Variants in CAP1 observed in about 807,000 individuals in gnomAD.
The protein encoded by CAP1 is adenylyl cyclase-associated protein 1.
A neutral mutation model predicts 58.2 loss-of-function variants in CAP1; 11 were observed. The ratio of observed to expected loss-of-function variants is 0.19; its 90% CI spans 0.12 to 0.31. The LOEUF is 0.31. CAP1 is among the 10% of genes least tolerant of loss of function. The pLI, the probability that CAP1 is intolerant of heterozygous loss-of-function variation, is 1.00. For missense variants in CAP1, 423 were observed against 587.5 expected (o/e 0.72, Z 2.89); for synonymous variants, 183 against 213.8 (o/e 0.86, Z 1.26).
rs1446852778 is a variant in CAP1 at position 40,043,046 on chromosome 1, C to CT, written c.-11+2246dup. Among the ~76,000 whole-genome samples the CT allele has an allele frequency of 1.2e-3, 188 of 152,200 alleles. 1 individual carries two copies. The highest frequency in any genetic ancestry group is 2.1e-4 in the Non-Finnish European group (14 of 68,018). On this transcript the variant is annotated intron_variant, in intron 1 of 12. Transcript: ENST00000372805. ...TTGTAGCACATCCAGGCAAAGATGT[C>CT]TAATAAGGTGGGTCAGCTAAAGGAA...
In CAP1 at chr1:40,041,974, C is replaced by T. The variant is rs562830287; in HGVS notation, c.-11+1173C>T. Among the ~76,000 whole-genome samples, 61 of 152,296 alleles carry T rather than the reference C, an allele frequency of 4.0e-4. No homozygotes were observed. The South Asian group carries it at 8.7e-3, about 22-fold the overall frequency. On this transcript the variant is annotated intron_variant, in intron 1 of 12. Coordinates refer to ENST00000372805, the MANE Select transcript of CAP1 (RefSeq NM_006367.4). ...GTCAGTTGAAGCTCTTTGTGGGGCTCTCTCTTCAAGAGAAAATCCGGGGGC... is the reference window on the plus strand; with the variant it reads ...GTCAGTTGAAGCTCTTTGTGGGGCTTTCTCTTCAAGAGAAAATCCGGGGGC...
intron 1 of CAP1, among the ~76,000 whole-genome samples, chr1:40,055,820 T>C (rs1032706882): frequency 5.3e-5 from 8 of 152,180 alleles, no homozygotes; most frequent in African/African-American, 1.9e-4. Flanking sequence ...GTATCCTAAC[T>C]CTTATCAGTC....
chr1:40,045,328 C>T (rs1646042602), intron 1 of CAP1, among the ~76,000 whole-genome samples: 1 of 152,196 alleles, frequency 6.6e-6, no homozygotes, highest in Non-Finnish European at 1.5e-5. Context: ...CATAGCCATA[C>T]TTAGCACAGT....
At chr1:40,067,797 C>T in intron 8 of CAP1, 80 bp downstream of exon 8, 1 of 1,037,478 alleles carries the variant, frequency 9.6e-7, no homozygotes, top group South Asian at 1.4e-5. Flanking sequence ...CGTCTGTAAA[C>T]TACAACCCTG....
intron 3 of CAP1, among the ~76,000 whole-genome samples, chr1:40,061,002 T>C (rs772245379): frequency 1.3e-5 from 2 of 152,136 alleles, no homozygotes; most frequent in Admixed American, 6.5e-5. Flanking sequence ...CCAGAAAAAA[T>C]AGATTGCTTT....
Position 40,059,444 on chromosome 1 carries a change from A to G in CAP1, c.98A>G (p.Asp33Gly). The change falls in exon 2 of 13, where the codon GAC becomes GGC. Residue 33 changes from aspartate (D) to glycine (G), a missense_variant. Asp to Gly is a moderately conservative substitution (Grantham distance 94). Transcript: ENST00000372805. ...HTSDMHRGYA[D>G]SPSKAGAAPY... The stretch of plus-strand genomic sequence containing the variant: ...TCTGACATGCACCGTGGGTATGCAG[A>G]CAGTCCTTCAAAAGGTAAGCAGTCC... The G allele has an allele frequency of 6.2e-7, 1 of 1,606,048 alleles. No individual in the cohort carries two copies. The highest frequency in any genetic ancestry group is 8.5e-7 in the Non-Finnish European group (1 of 1,172,670).
chr1:40,048,192 G>A (rs567956713), intron 1 of CAP1, among the ~76,000 whole-genome samples: 2 of 151,712 alleles, frequency 1.3e-5, no homozygotes, highest in East Asian at 1.9e-4. Flanking sequence ...CCACCATCAC[G>A]CCTGGCTAAT....
chr1:40,061,347 G>A (rs1378634347), intron 3 of CAP1, among the ~76,000 whole-genome samples: 3 of 152,168 alleles, frequency 2.0e-5, no homozygotes, highest in Non-Finnish European at 2.9e-5. Context: ...TTAGGCCTTT[G>A]CCTTTACTCC....
chr1:40,057,288 C>T (rs1488049023), intron 1 of CAP1, among the ~76,000 whole-genome samples: 1 of 152,092 alleles, frequency 6.6e-6, no homozygotes, highest in Admixed American at 6.5e-5. Context: ...TTGCCTTTTC[C>T]CCTGGACTTA....
At position 40,071,642 on chromosome 1, in the gene CAP1, T is replaced by G; in HGVS notation, c.*109T>G. ...ACCTTTTTGCTCTTAAAACTGCTTC[T>G]CTGCTCTGAGAAGCACAGCTACCTG... On this transcript the variant is annotated 3_prime_UTR_variant, in exon 13 of 13. Coordinates refer to ENST00000372805, the MANE Select transcript of CAP1 (RefSeq NM_006367.4). 1.4e-6 allele frequency: 1 copy of G among 722,590 alleles called. No homozygotes were observed. The highest frequency in any genetic ancestry group is 2.7e-5 in the East Asian group (1 of 36,880). 44.8% of individuals were successfully genotyped at this position (722,590 alleles called of 1,614,324 possible).
At chr1:40,056,144 A>G (rs1295742802) in intron 1 of CAP1, among the ~76,000 whole-genome samples, 1 of 152,198 alleles carries the variant, frequency 6.6e-6, no homozygotes, top group Non-Finnish European at 1.5e-5. Context: ...ACTCTTATCC[A>G]CTATATAATA....
intron 1 of CAP1, among the ~76,000 whole-genome samples, chr1:40,049,115 G>C (rs1394881713): frequency 6.6e-6 from 1 of 150,880 alleles, no homozygotes; most frequent in Non-Finnish European, 1.5e-5. Context: ...GAAGGAATTG[G>C]GTTAAGTTGT....
intron 8 of CAP1, among the ~76,000 whole-genome samples, chr1:40,068,286 T>C (rs116795210): frequency 0.013 from 1,918 of 152,298 alleles, 45 homozygotes; most frequent in African/African-American, 0.044. Context: ...TTTTTATTTT[T>C]TTTGAGACGG....
At position 40,071,432 on chromosome 1, in the gene CAP1, T is replaced by C. The variant is rs1357066560; in HGVS notation, c.1345-18T>C. The C allele has an allele frequency of 6.3e-7, 1 of 1,580,854 alleles. No homozygotes were observed. The highest frequency in any genetic ancestry group is 8.7e-7 in the Non-Finnish European group (1 of 1,150,764). On this transcript the variant is annotated intron_variant, in intron 12 of 12. Coordinates refer to ENST00000372805, the MANE Select transcript of CAP1 (RefSeq NM_006367.4). ...CTTTAGCTCAGATTTAAACCTGCTG[T>C]CTCTTCTTTATTTGCAGAATGAATT... is the stretch of plus-strand genomic sequence containing the variant.
Position 40,067,702 on chromosome 1 carries a change from G to A in CAP1, c.793G>A (p.Glu265Lys), listed in dbSNP as rs1420171567. Residue 265 changes from glutamate to lysine, a missense_variant, in exon 8 of 13, where the codon GAG becomes AAG. Coordinates refer to ENST00000372805, the MANE Select transcript of CAP1 (RefSeq NM_006367.4). The stretch of plus-strand genomic sequence containing the variant: ...ACTGTTCGCGCAGATTAATCAGGGG[G>A]AGAGCATTACACATGGTGAGTGAGC... ...SSLFAQINQG[E>K]SITHALKHVS... 3.1e-6 allele frequency: 5 copies of A among 1,601,882 alleles called. No individual in the cohort carries two copies. The highest frequency in any genetic ancestry group is 4.3e-6 in the Non-Finnish European group (5 of 1,173,920).
In CAP1 at chr1:40,066,178, G is replaced by A. The variant is rs79284780; in HGVS notation, c.525-37G>A. 3,741 of 1,139,502 alleles carry A rather than the reference G, an allele frequency of 3.3e-3. 76 individuals carry two copies. In the African/African-American group the frequency reaches 0.045, roughly 14 times the overall value. The allele number at this position is 1,139,502 out of a possible 1,614,324, so 70.6% of individuals were successfully genotyped here. On this transcript the variant is annotated intron_variant, in intron 6 of 12. Transcript: ENST00000372805. ...CTGGAGTCACCACTGTTATGTACCCGGATCACCTGTGACAAGTTCTTCTTT... is the reference window on the plus strand; with the variant it reads ...CTGGAGTCACCACTGTTATGTACCCAGATCACCTGTGACAAGTTCTTCTTT...
intron 12 of CAP1, among the ~76,000 whole-genome samples, chr1:40,071,197 G>A (rs1337537873): frequency 6.6e-6 from 1 of 152,144 alleles, no homozygotes; most frequent in African/African-American, 2.4e-5. Flanking sequence ...AAAATAATGG[G>A]GATGAGCCAT....
chr1:40,062,616 A>G (rs1374617377), intron 4 of CAP1, among the ~76,000 whole-genome samples: 3 of 151,962 alleles, frequency 2.0e-5, no homozygotes, highest in African/African-American at 7.3e-5. Flanking sequence ...ATAAATAAAA[A>G]TAGCCAGGCA....
At chr1:40,071,005 G>A (rs1475166702) in intron 12 of CAP1, 26 bp downstream of exon 12, 1 of 1,585,838 alleles carries the variant, frequency 6.3e-7, no homozygotes. Flanking sequence ...TCTTTAGTAT[G>A]ATGTTAAAAA....
Sources: allele counts gnomAD v4.1 joint callset (sites outside exome capture counted in the v4.1 genomes callset), GRCh38; gene constraint gnomAD v4.1.1; transcripts MANE v1.5; gene names NCBI Gene and HGNC (gene_info 2026-07-23, HGNC 2026-07-21).